Variants in RAB6B observed in about 807,000 individuals in gnomAD.
RAB6B encodes the protein RAB6B, member RAS oncogene family.
Under a neutral mutation model 31.2 loss-of-function variants are expected in RAB6B, and 7 were observed. The ratio of observed to expected loss-of-function variants is 0.22; its 90% CI spans 0.13 to 0.42. The LOEUF (loss-of-function observed/expected upper bound fraction) is 0.42, where lower values mean the gene tolerates loss of function less well. RAB6B is among the 10% of genes least tolerant of loss of function. The probability of loss-of-function intolerance (pLI) is 1.00; values close to 1 mark genes in which losing one functional copy is unlikely to be tolerated. For synonymous variants in RAB6B, 105 were observed against 104.9 expected (o/e 1.00, Z -0.01); for missense variants, 149 against 280.6 (o/e 0.53, Z 3.35).
chr3:133,843,158 A>G (rs1935860335), intron 2 of RAB6B, among the ~76,000 whole-genome samples: 1 of 152,262 alleles, frequency 6.6e-6, no homozygotes, highest in South Asian at 2.1e-4. Context: ...GCTCTGGAGC[A>G]TACGATGCTA....
At chr3:133,831,364 C>G (rs1329185200) in intron 7 of RAB6B, among the ~76,000 whole-genome samples, 1 of 152,248 alleles carries the variant, frequency 6.6e-6, no homozygotes, top group African/African-American at 2.4e-5. Flanking sequence ...TATTCTATAT[C>G]TGCACTGTCC....
rs1247412651 is a variant in RAB6B, at chr3:133,825,142, C to A, written c.*3646G>T. 1 of 152,212 alleles carries A rather than the reference C, an allele frequency of 6.6e-6. No homozygotes were observed. The highest frequency in any genetic ancestry group is 1.5e-5 in the Non-Finnish European group (1 of 68,054). 9.4% of individuals were successfully genotyped at this position (152,212 alleles called of 1,614,324 possible). A position where few individuals can be genotyped will look rare whatever the true frequency, so the allele number is the denominator to read the frequency against. On this transcript the variant is annotated 3_prime_UTR_variant, in exon 8 of 8. Transcript: ENST00000285208. ...CTGCCCCTCAAGTGGCTCAGACATG[C>A]CTCACTGTCCTCGGCTACCTGGTCC...
intron 6 of RAB6B, 104 bp from the exon 7 acceptor site, chr3:133,834,745 T>C (rs1935707910): frequency 9.3e-7 from 1 of 1,075,978 alleles, no homozygotes; most frequent in Admixed American, 1.8e-5. Flanking sequence ...ACCTGCAGCT[T>C]TACTCTCCCA....
chr3:133,895,479 CGGGGCCGGGAGA>C lies in RAB6B; in HGVS notation c.-25_-14del. 6.2e-7 allele frequency: 1 copy of C among 1,610,782 alleles called. No homozygotes were observed. The highest frequency in any genetic ancestry group is 1.1e-5 in the South Asian group (1 of 90,364). On this transcript the variant is annotated 5_prime_UTR_variant, in exon 1 of 8. Coordinates refer to ENST00000285208, the MANE Select transcript of RAB6B (RefSeq NM_016577.4). Reference sequence around the variant, plus strand: ...CCCCTGCGGACATGGTGCTGGCAGCCGGGGCCGGGAGAGGAGGAGGAGGAAAAAGCGAAGGAG... The same window carrying C: ...CCCCTGCGGACATGGTGCTGGCAGCCGGAGGAGGAGGAAAAAGCGAAGGAG...
At chr3:133,878,616 T>C (rs1261827333) in intron 1 of RAB6B, among the ~76,000 whole-genome samples, 3 of 152,214 alleles carry the variant, frequency 2.0e-5, no homozygotes, top group Non-Finnish European at 2.9e-5. Context: ...ACACAGGAAA[T>C]GGTCACTACA....
At chr3:133,837,152 C>A (rs1487158302) in intron 6 of RAB6B, among the ~76,000 whole-genome samples, 1 of 152,144 alleles carries the variant, frequency 6.6e-6, no homozygotes, top group African/African-American at 2.4e-5. Context: ...CACCACCTCT[C>A]CAAGTCCTTC....
chr3:133,864,334 C>G (rs1559908306), intron 2 of RAB6B, among the ~76,000 whole-genome samples: 1 of 152,190 alleles, frequency 6.6e-6, no homozygotes, highest in Non-Finnish European at 1.5e-5. Flanking sequence ...CTGTGAGGAA[C>G]AAGAGAACAC....
intron 7 of RAB6B, among the ~76,000 whole-genome samples, chr3:133,833,580 T>A (rs1463602859): frequency 6.6e-6 from 1 of 152,166 alleles, no homozygotes; most frequent in African/African-American, 2.4e-5. Flanking sequence ...AGCAGCTCCA[T>A]GAGGCCTCCA....
chr3:133,888,058 A>G (rs1936575760), intron 1 of RAB6B, among the ~76,000 whole-genome samples: 1 of 152,082 alleles, frequency 6.6e-6, no homozygotes, highest in African/African-American at 2.4e-5. Flanking sequence ...AACACTCCCC[A>G]CGAGTCATGC....
At position 133,827,597 on chromosome 3, in the gene RAB6B, CA is replaced by C. The variant is rs1935585617; in HGVS notation, c.*1190del. On this transcript the variant is annotated 3_prime_UTR_variant, in exon 8 of 8. Coordinates refer to ENST00000285208, the MANE Select transcript of RAB6B (RefSeq NM_016577.4). The stretch of plus-strand genomic sequence containing the variant: ...GACCACAGCGCAGCCACAGTAGCCA[CA>C]AAGATATGTCCACAAAGACTTCAAC... 2.7e-6 allele frequency: 1 copy of C among 376,854 alleles called. No individual in the cohort carries two copies. The highest frequency in any genetic ancestry group is 4.8e-6 in the Non-Finnish European group (1 of 207,622). 23.3% of individuals were successfully genotyped at this position (376,854 alleles called of 1,614,324 possible).
chr3:133,825,710 A>C lies in RAB6B; in HGVS notation c.*3078T>G, dbSNP rs990336980. 1.3e-5 allele frequency: 2 copies of C among 152,220 alleles called. No individual in the cohort carries two copies. Among genetic ancestry groups the C allele is most frequent in the Admixed American group, 6.5e-5 (1 of 15,280 alleles). The allele number at this position is 152,220 out of a possible 1,614,324, so 9.4% of individuals were successfully genotyped here. The stretch of plus-strand genomic sequence containing the variant: ...CACTCAACTTTCCTGATGCCTGCAG[A>C]ACAGGAGCTTTGTTGATAAGCTTTT... On this transcript the variant is annotated 3_prime_UTR_variant, in exon 8 of 8. Transcript: ENST00000285208.
chr3:133,874,387 C>A (rs573070585), intron 1 of RAB6B, among the ~76,000 whole-genome samples: 8 of 152,306 alleles, frequency 5.3e-5, no homozygotes, highest in African/African-American at 7.2e-5. Flanking sequence ...CTGCACAGCA[C>A]ATTATTGCAG....
At chr3:133,881,111 T>C (rs1006556652) in intron 1 of RAB6B, among the ~76,000 whole-genome samples, 1 of 152,150 alleles carries the variant, frequency 6.6e-6, no homozygotes, top group Admixed American at 6.5e-5. Flanking sequence ...GCTGCGTCAA[T>C]GTCCACATAT....
At position 133,874,766 on chromosome 3, in the gene RAB6B, T is replaced by G. The variant is rs187455573; in HGVS notation, c.71-10124A>C. ...CACTGTACAGCTATGCAAAAATTATTTCTTTATATCTTTATTCTATATGTT... is the reference window on the plus strand; with the variant it reads ...CACTGTACAGCTATGCAAAAATTATGTCTTTATATCTTTATTCTATATGTT... On this transcript the variant is annotated intron_variant, in intron 1 of 7. Coordinates refer to ENST00000285208, the MANE Select transcript of RAB6B (RefSeq NM_016577.4). 6.7e-4 allele frequency among the ~76,000 whole-genome samples: 102 copies of G among 152,318 alleles called. 1 individual carries two copies. Among genetic ancestry groups the G allele is most frequent in the Admixed American group, 1.2e-3 (19 of 15,300 alleles).
chr3:133,840,826 C>A (rs1245654817), intron 4 of RAB6B, among the ~76,000 whole-genome samples: 2 of 152,102 alleles, frequency 1.3e-5, no homozygotes, highest in African/African-American at 4.8e-5. Flanking sequence ...CGCTTCCAGA[C>A]CCCCTTGCCT....
At chr3:133,836,826 G>A (rs937637682) in intron 6 of RAB6B, among the ~76,000 whole-genome samples, 3 of 152,158 alleles carry the variant, frequency 2.0e-5, no homozygotes, top group East Asian at 1.9e-4. Context: ...TAGTTAGGGT[G>A]GGGCACTGAG....
intron 2 of RAB6B, among the ~76,000 whole-genome samples, chr3:133,860,575 G>A (rs867664279): frequency 1.3e-5 from 2 of 152,222 alleles, no homozygotes; most frequent in Non-Finnish European, 2.9e-5. Context: ...AAGCCTCAGG[G>A]CGGAGCGGCA....
In RAB6B at chr3:133,824,553, C is replaced by CCAGA. The variant is rs771027334; in HGVS notation, c.*4231_*4234dup. 3.3e-5 allele frequency: 5 copies of CCAGA among 152,322 alleles called. No individual in the cohort carries two copies. The South Asian group carries it at 6.2e-4, about 19-fold the overall frequency. 9.4% of individuals were successfully genotyped at this position (152,322 alleles called of 1,614,324 possible). A position where few individuals can be genotyped will look rare whatever the true frequency, so the allele number is the denominator to read the frequency against. Reference sequence around the variant, plus strand: ...AACCACACACTGCTGGGAGTGCCAACCAGACAGGGGTCTGGAGTCCAAGGA... The same window carrying CCAGA: ...AACCACACACTGCTGGGAGTGCCAACCAGACAGACAGGGGTCTGGAGTCCAAGGA... On this transcript the variant is annotated 3_prime_UTR_variant, in exon 8 of 8. Transcript: ENST00000285208.
At chr3:133,875,847 C>T (rs2692682) in intron 1 of RAB6B, among the ~76,000 whole-genome samples, 24,701 of 152,074 alleles carry the variant, frequency 0.16, 2,658 homozygotes, top group African/African-American at 0.3. Context: ...CCCTAAGAAA[C>T]GCTGGTGCCA....
Sources: gnomAD v4.1 joint callset for allele counts (sites outside exome capture counted in the v4.1 genomes callset) on GRCh38, gnomAD v4.1.1 for gene constraint, MANE v1.5 for transcripts, NCBI Gene and HGNC (gene_info 2026-07-23, HGNC 2026-07-21) for gene names.